NOS2: variants seen among roughly 807,000 people sequenced by gnomAD.
The protein encoded by NOS2 is nitric oxide synthase, inducible.
In NOS2, 96 loss-of-function variants were observed where a neutral mutation model predicts 136.0. That is an observed-to-expected ratio of 0.71 (90% CI 0.60 to 0.84). The LOEUF is 0.84. Ranked by LOEUF, NOS2 falls within the 40% of genes least tolerant of loss-of-function variation. The probability of loss-of-function intolerance (pLI) is 0.00; values close to 1 mark genes in which losing one functional copy is unlikely to be tolerated. For missense variants in NOS2, 1,237 were observed against 1,496.9 expected (o/e 0.83, Z 2.87); for synonymous variants, 539 against 587.5 (o/e 0.92, Z 1.20).
At chr17:27,763,953 C>T in intron 21 of NOS2, 28 bp downstream of exon 21, 3 of 1,595,940 alleles carry the variant, frequency 1.9e-6, no homozygotes, top group Non-Finnish European at 1.7e-6. Context: ...CCCACATACC[C>T]CCACTGCCCA....
intron 14 of NOS2, 104 bp from the exon 15 acceptor site, chr17:27,771,121 C>T (rs1908482369): frequency 1.3e-6 from 1 of 775,148 alleles, no homozygotes; most frequent in Non-Finnish European, 2.2e-6. Flanking sequence ...CAGGCTGCGG[C>T]TCCTGTGCTC....
intron 6 of NOS2, 61 bp from the exon 7 acceptor site, chr17:27,782,167 G>A: frequency 1.4e-6 from 2 of 1,453,252 alleles, no homozygotes; most frequent in East Asian, 2.3e-5. Flanking sequence ...CTTTGAGGCT[G>A]ATCAGAAGTC....
intron 14 of NOS2, 37 bp from the exon 15 acceptor site, chr17:27,771,054 C>G (rs1908479897): frequency 6.7e-7 from 1 of 1,481,844 alleles, no homozygotes; most frequent in Non-Finnish European, 9.4e-7. Context: ...CCCTCGGCTC[C>G]CAGTAGGGCC....
In NOS2 at chr17:27,758,438, T is replaced by A. The variant is rs573172479; in HGVS notation, c.3354+443A>T. Among the ~76,000 whole-genome samples the A allele has an allele frequency of 2.0e-5, 3 of 152,250 alleles. No homozygotes were observed. In the South Asian group the frequency reaches 6.2e-4, roughly 32 times the overall value. Reference sequence around the variant, plus strand: ...TTGATAAATATCACTATTATCTTCATCAATAAAATGCAAGCCCTTCCTGCT... The same window carrying A: ...TTGATAAATATCACTATTATCTTCAACAATAAAATGCAAGCCCTTCCTGCT... On this transcript the variant is annotated intron_variant, in intron 26 of 26. Coordinates refer to ENST00000313735, the MANE Select transcript of NOS2 (RefSeq NM_000625.4).
intron 11 of NOS2, among the ~76,000 whole-genome samples, chr17:27,778,017 C>T (rs531767831): frequency 1.2e-4 from 18 of 148,922 alleles, no homozygotes; most frequent in East Asian, 2.0e-4. Flanking sequence ...CCTGGGTGAC[C>T]GAGTGAGATG....
At chr17:27,774,519 G>T in intron 11 of NOS2, 68 bp from the exon 12 acceptor site, 1 of 1,253,382 alleles carries the variant, frequency 8.0e-7, no homozygotes. Context: ...CCGGTTGGCC[G>T]CAGGGCTCCC....
At chr17:27,778,170 G>A (rs1908719014) in intron 11 of NOS2, among the ~76,000 whole-genome samples, 1 of 152,114 alleles carries the variant, frequency 6.6e-6, no homozygotes, top group South Asian at 2.1e-4. Flanking sequence ...TGGGGTGAGG[G>A]CGTCATTTTA....
intron 18 of NOS2, 67 bp from the exon 19 acceptor site, chr17:27,766,655 G>C: frequency 7.8e-7 from 1 of 1,288,336 alleles, no homozygotes; most frequent in Non-Finnish European, 1.1e-6. Context: ...GAAGCCCCCA[G>C]ATGTCTGAGT....
intron 5 of NOS2, among the ~76,000 whole-genome samples, chr17:27,784,465 A>T (rs1908955198): frequency 6.6e-6 from 1 of 152,240 alleles, no homozygotes; most frequent in Non-Finnish European, 1.5e-5. Flanking sequence ...AGCTTCCAGC[A>T]ATATTCCCCC....
intron 25 of NOS2, 65 bp downstream of exon 25, chr17:27,759,965 G>A: frequency 7.0e-7 from 1 of 1,425,126 alleles, no homozygotes; most frequent in Non-Finnish European, 9.3e-7. Flanking sequence ...GGGGCCTGTG[G>A]GGACCCAGGG....
intron 12 of NOS2, among the ~76,000 whole-genome samples, chr17:27,774,022 C>A (rs1357746838): frequency 6.6e-6 from 1 of 152,216 alleles, no homozygotes; most frequent in Non-Finnish European, 1.5e-5. Context: ...ATGACAGACC[C>A]CCCATCTGAG....
chr17:27,798,712 C>T lies in NOS2; in HGVS notation c.98G>A (p.Cys33Tyr). ...DINNNVEKAP[C>Y]ATSSPVTQDD... ...AGGGAAAACTCACCTGGAGGTGGCA[C>T]AGGGGGCTTTCTCCACATTGTTGTT... The change falls in exon 2 of 27, where the codon TGT becomes TAT. Residue 33 changes from cysteine (C) to tyrosine (Y), a missense_variant. Cys to Tyr is a radical substitution (Grantham distance 194). Around this residue, in one of 3 missense-constraint regions of NOS2, gnomAD observed 440 missense variants for 545.4 expected, o/e 0.81. Transcript: ENST00000313735. 6.2e-7 allele frequency: 1 copy of T among 1,612,422 alleles called. No individual in the cohort carries two copies. The highest frequency in any genetic ancestry group is 8.5e-7 in the Non-Finnish European group (1 of 1,178,396).
In NOS2 at chr17:27,769,568, A is replaced by G. The variant is rs1378510827; in HGVS notation, c.1826T>C (p.Leu609Pro). 1.2e-6 allele frequency: 2 copies of G among 1,613,482 alleles called. No homozygotes were observed. Among genetic ancestry groups the G allele is most frequent in the Non-Finnish European group, 1.7e-6 (2 of 1,179,508 alleles). ...PGNGEKLKKS[L>P]FMLKELNNKF... is the part of the protein sequence containing the mutation. The stretch of plus-strand genomic sequence containing the variant: ...GTTGTTGAGCTCTTTCAGCATGAAG[A>G]GCGATTTCTTCAGTTTCTAGAAAGA... Residue 609 changes from leucine to proline, a missense_variant, in exon 16 of 27, where the codon CTC (leucine) becomes CCC (proline). Physicochemically the swap from Leu to Pro is moderately conservative, Grantham distance 98. This residue lies in a region of NOS2 where 782 missense variants were observed against 909.9 expected (regional missense o/e 0.86). Coordinates refer to ENST00000313735, the MANE Select transcript of NOS2 (RefSeq NM_000625.4).
In NOS2 at chr17:27,763,013, C is replaced by G. The variant is rs1335307554; in HGVS notation, c.2593-8G>C. 6.3e-7 allele frequency: 1 copy of G among 1,585,394 alleles called. No homozygotes were observed. Among genetic ancestry groups the G allele is most frequent in the Non-Finnish European group, 8.6e-7 (1 of 1,165,570 alleles). ...CTTGCTGTACTCTGAGGGCTAAAAG[C>G]CAAGGGTGATGTCAGTGACTCAGGG... On this transcript the variant is annotated splice_region_variant and splice_polypyrimidine_tract_variant and intron_variant, in intron 21 of 26. Transcript: ENST00000313735.
chr17:27,780,652 A>G (rs1908812992), intron 9 of NOS2, 115 bp downstream of exon 9: 1 of 1,370,410 alleles, frequency 7.3e-7, no homozygotes, highest in Admixed American at 1.8e-5. Flanking sequence ...CCTGAGTGTC[A>G]CCTGCTGCTG....
At chr17:27,759,140 TGC>T in intron 25 of NOS2, 65 bp from the exon 26 acceptor site, 3 of 1,274,602 alleles carry the variant, frequency 2.4e-6, no homozygotes, top group Non-Finnish European at 2.1e-6. Flanking sequence ...CAGGCAGGCC[TGC>T]TGGCCTCAAG....
rs768553766 is a variant in NOS2, at chr17:27,764,107, G to A, written c.2466C>T (p.Cys822=). 54 of 1,593,522 alleles carry A rather than the reference G, an allele frequency of 3.4e-5. No individual in the cohort carries two copies. Among genetic ancestry groups the A allele is most frequent in the Non-Finnish European group, 4.3e-5 (50 of 1,170,356 alleles). ...AGTAGGTGAGGGCCTGGCTGAGTGAGCAGGGGGGCAGCCTCTTGTCACTGA... is the reference window on the plus strand; with the variant it reads ...AGTAGGTGAGGGCCTGGCTGAGTGAACAGGGGGGCAGCCTCTTGTCACTGA... ...YWVSDKRLPP[C]SLSQALTYFL... The change falls in exon 21 of 27, where the codon TGC becomes TGT. Residue 822 remains cysteine (C), a synonymous_variant. Transcript: ENST00000313735.
Position 27,787,758 on chromosome 17 carries a change from G to A in NOS2, c.387C>T (p.Pro129=). The change falls in exon 5 of 27, where the codon CCC becomes CCT. Residue 129 remains proline, a synonymous_variant. Coordinates refer to ENST00000313735, the MANE Select transcript of NOS2 (RefSeq NM_000625.4). ...IMTPKSLTRG[P]RDKPTPPDEL... ...CATCTGGAGGGGTAGGCTTGTCCCT[G>A]GGTCCTCTGGTCAAACTTTTGGGAG... is the stretch of plus-strand genomic sequence containing the variant. 1.2e-6 allele frequency: 2 copies of A among 1,613,664 alleles called. No individual in the cohort carries two copies. Among genetic ancestry groups the A allele is most frequent in the East Asian group, 4.5e-5 (2 of 44,844 alleles).
Position 27,770,435 on chromosome 17 carries a change from G to A in NOS2, c.1809+478C>T, listed in dbSNP as rs182570365. Among the ~76,000 whole-genome samples the A allele has an allele frequency of 2.5e-3, 378 of 152,304 alleles. 2 individuals are homozygous for A. Among genetic ancestry groups the A allele is most frequent in the Middle Eastern group, 0.017 (5 of 294 alleles). On this transcript the variant is annotated intron_variant, in intron 15 of 26. Coordinates refer to ENST00000313735, the MANE Select transcript of NOS2 (RefSeq NM_000625.4). ...AGGGAGGCAGAGTTTGCAGTGAGCT[G>A]AGATCGCACCATTGCACTCTACCCT...
Sources: allele counts gnomAD v4.1 joint callset (sites outside exome capture counted in the v4.1 genomes callset), GRCh38; gene constraint gnomAD v4.1.1; regional missense constraint gnomAD v4.1.1; transcripts MANE v1.5; gene names NCBI Gene and HGNC (gene_info 2026-07-23, HGNC 2026-07-21).